Variants in MYOM2 observed in about 807,000 individuals in gnomAD.
MYOM2 encodes myomesin 2.
In MYOM2, 254 loss-of-function variants were observed where a neutral mutation model predicts 187.6. The observed-to-expected ratio is 1.35, with a 90% CI of 1.22 to 1.50. The LOEUF (loss-of-function observed/expected upper bound fraction) is 1.50, where lower values mean the gene tolerates loss of function less well. MYOM2 is among the 40% of genes most tolerant of loss of function. The probability of loss-of-function intolerance (pLI) is 0.00; values close to 1 mark genes in which losing one functional copy is unlikely to be tolerated. For missense variants in MYOM2, 2,796 were observed against 1,924.0 expected, an observed-to-expected ratio of 1.45 and a Z score of -8.48; for synonymous variants, 981 against 753.8, an observed-to-expected ratio of 1.30 and a Z score of -4.94.
intron 25 of MYOM2, among the ~76,000 whole-genome samples, chr8:2,109,912 C>T (rs895174950): frequency 5.9e-5 from 9 of 152,128 alleles, no homozygotes; most frequent in African/African-American, 9.7e-5. Flanking sequence ...CCTGCATTCT[C>T]CCCCCACTGA....
At chr8:2,112,843 C>A (rs1239511909) in intron 25 of MYOM2, among the ~76,000 whole-genome samples, 1 of 152,062 alleles carries the variant, frequency 6.6e-6, no homozygotes, top group Non-Finnish European at 1.5e-5. Context: ...GATAGAAATT[C>A]TCTGCAGTAT....
intron 2 of MYOM2, 106 bp from the exon 3 acceptor site, chr8:2,052,052 A>C: frequency 1.4e-6 from 2 of 1,407,792 alleles, no homozygotes; most frequent in Non-Finnish European, 2.0e-6. Flanking sequence ...TGTGCTCTGC[A>C]TATACCAGTG....
At chr8:2,138,893 G>A (rs115786313) in intron 32 of MYOM2, among the ~76,000 whole-genome samples, 1,983 of 150,148 alleles carry the variant, frequency 0.013, 105 homozygotes, top group African/African-American at 0.047. Context: ...CTTAGTGTGC[G>A]CCAGGATCCC....
In MYOM2 at chr8:2,057,454, G is replaced by A. The variant is rs34897824; in HGVS notation, c.370G>A (p.Asp124Asn). Reference protein sequence around the residue: ...DVHLARSQARDKLDKYAIQQM... With the variant: ...DVHLARSQARNKLDKYAIQQM... ...CCACCTGGCACGCTCCCAGGCCCGC[G>A]ACAAGCTGGACAAATACGCCATTCA... The change falls in exon 4 of 37, where the codon GAC becomes AAC. Residue 124 changes from aspartate (D) to asparagine (N), a missense_variant. By Grantham distance (23) the Asp-to-Asn change is conservative. Transcript: ENST00000262113. 8.5e-4 allele frequency: 1,364 copies of A among 1,614,058 alleles called. 3 individuals are homozygous for A. The highest frequency in any genetic ancestry group is 3.7e-3 in the South Asian group (341 of 91,048).
intron 32 of MYOM2, among the ~76,000 whole-genome samples, chr8:2,140,509 A>C (rs904852377): frequency 6.6e-6 from 1 of 152,258 alleles, no homozygotes; most frequent in African/African-American, 2.4e-5. Flanking sequence ...ATAATAATAT[A>C]CCTTTAAAAA....
chr8:2,114,430 A>G (rs1797169487), intron 25 of MYOM2, among the ~76,000 whole-genome samples: 1 of 152,138 alleles, frequency 6.6e-6, no homozygotes. Flanking sequence ...TGTGTGGGCA[A>G]ATGTTTGTGG....
chr8:2,096,958 C>G (rs1024484368), intron 18 of MYOM2: 6 of 197,110 alleles, frequency 3.0e-5, no homozygotes, highest in Non-Finnish European at 5.5e-5. Flanking sequence ...GCTCAGAGAT[C>G]TGGGGTCAGA....
intron 32 of MYOM2, among the ~76,000 whole-genome samples, chr8:2,130,527 A>G (rs890676041): frequency 1.3e-5 from 2 of 152,218 alleles, no homozygotes; most frequent in Non-Finnish European, 2.9e-5. Context: ...TTTTAATATC[A>G]CTGGTTTGCT....
intron 32 of MYOM2, among the ~76,000 whole-genome samples, chr8:2,135,616 A>G (rs1409105545): frequency 2.6e-5 from 4 of 152,200 alleles, no homozygotes; most frequent in East Asian, 1.9e-4. Flanking sequence ...GCTTTCTTCT[A>G]TCCTCCACTG....
At chr8:2,131,751 C>G (rs1280826571) in intron 32 of MYOM2, among the ~76,000 whole-genome samples, 1 of 150,198 alleles carries the variant, frequency 6.7e-6, no homozygotes, top group Non-Finnish European at 1.5e-5. Context: ...TCACGCCATT[C>G]TCCTGCCTCA....
chr8:2,059,686 G>A (rs1276391040), intron 6 of MYOM2, among the ~76,000 whole-genome samples: 1 of 151,906 alleles, frequency 6.6e-6, no homozygotes, highest in East Asian at 1.9e-4. Context: ...CCAGCACCCA[G>A]GGTCAGTATG....
At chr8:2,057,065 T>C (rs7820083) in intron 3 of MYOM2, among the ~76,000 whole-genome samples, 52,438 of 152,150 alleles carry the variant, frequency 0.34, 9,745 homozygotes, top group East Asian at 0.67. Context: ...AGTTGTGCAC[T>C]GTCAGTGGTG....
At position 2,144,666 on chromosome 8, in the gene MYOM2, C is replaced by G. The variant is rs371758304; in HGVS notation, c.4083C>G (p.Thr1361=). The change falls in exon 37 of 37, where the codon ACC becomes ACG. Residue 1361 remains threonine (T), a splice_region_variant and synonymous_variant. Transcript: ENST00000262113. Reference sequence around the variant, plus strand: ...CCACCAACCTCTTCCGTCCAAAGACCTTGAATCTGACCTGCACGGTGTTTG... The same window carrying G: ...CCACCAACCTCTTCCGTCCAAAGACGTTGAATCTGACCTGCACGGTGTTTG... ...PDVVTIMEGK[T]LNLTCTVFGN... 8 of 1,613,490 alleles carry G rather than the reference C, an allele frequency of 5.0e-6. No homozygotes were observed. The highest frequency in any genetic ancestry group is 1.7e-5 in the Admixed American group (1 of 59,736).
intron 3 of MYOM2, among the ~76,000 whole-genome samples, chr8:2,055,776 ACAGG>A (rs1313325463): frequency 1.3e-5 from 2 of 152,262 alleles, no homozygotes; most frequent in African/African-American, 4.8e-5. Flanking sequence ...TGGGTCTCGG[ACAGG>A]CCTTACCGCC....
chr8:2,101,748 C>T (rs1796717757), intron 20 of MYOM2, among the ~76,000 whole-genome samples: 1 of 152,100 alleles, frequency 6.6e-6, no homozygotes, highest in Admixed American at 6.5e-5. Context: ...CCTTCCACTT[C>T]ACGCCGGGCA....
At chr8:2,066,863 G>A (rs996114821) in intron 6 of MYOM2, among the ~76,000 whole-genome samples, 1 of 152,228 alleles carries the variant, frequency 6.6e-6, no homozygotes, top group Admixed American at 6.5e-5. Flanking sequence ...CTGGAAATAG[G>A]ACAGCAGCGT....
chr8:2,120,552 C>A (rs563497787), intron 28 of MYOM2, among the ~76,000 whole-genome samples: 1 of 148,910 alleles, frequency 6.7e-6, no homozygotes, highest in Non-Finnish European at 1.5e-5. Context: ...GTTGAACACA[C>A]CCTAGATAGG....
chr8:2,129,914 T>C (rs932379945), intron 32 of MYOM2, among the ~76,000 whole-genome samples: 4 of 152,126 alleles, frequency 2.6e-5, no homozygotes, highest in African/African-American at 9.7e-5. Context: ...CCAACCCCTA[T>C]AGATATCACC....
Position 2,092,527 on chromosome 8 carries a change from C to T in MYOM2, c.2003+7C>T. 6.2e-7 allele frequency: 1 copy of T among 1,613,158 alleles called. No homozygotes were observed. Among genetic ancestry groups the T allele is most frequent in the Non-Finnish European group, 8.5e-7 (1 of 1,179,568 alleles). On this transcript the variant is annotated splice_region_variant and intron_variant, in intron 16 of 36. Transcript: ENST00000262113. ...AGCCCATCGGATACAACAGGTGCGG[C>T]CTCCCTCCCCAGCCCTGGAGTCAGC... is the stretch of plus-strand genomic sequence containing the variant.
Sources: gnomAD v4.1 joint callset for allele counts (sites outside exome capture counted in the v4.1 genomes callset) on GRCh38, gnomAD v4.1.1 for gene constraint, MANE v1.5 for transcripts, NCBI Gene and HGNC (gene_info 2026-07-23, HGNC 2026-07-21) for gene names.